CEP83: variants seen among roughly 807,000 people sequenced by gnomAD.
The protein encoded by CEP83 is centrosomal protein of 83 kDa.
Under a neutral mutation model 101.9 loss-of-function variants are expected in CEP83, and 70 were observed. The observed-to-expected ratio is 0.69, with a 90% confidence interval of 0.57 to 0.84. The LOEUF is 0.84. Among genes scored for constraint, CEP83 ranks in the 40% least tolerant of loss-of-function variants. CEP83 has a pLI of 0.00. For synonymous variants in CEP83, 264 were observed against 267.9 expected (o/e 0.99, Z 0.14); for missense variants, 715 against 787.2 (o/e 0.91, Z 1.10).
In CEP83 at chr12:94,335,654, G is replaced by T. The variant is rs190452572; in HGVS notation, c.1354C>A (p.Gln452Lys). The change falls in exon 12 of 17, where the codon CAG becomes AAG. Residue 452 changes from glutamine to lysine, a missense_variant. Coordinates refer to ENST00000397809, the MANE Select transcript of CEP83 (RefSeq NM_016122.3). Reference sequence around the variant, plus strand: ...TTTTCAATAGTCACAATTTGTTGCTGAAGTTTTAACCTAAAAATCACAACC... The same window carrying T: ...TTTTCAATAGTCACAATTTGTTGCTTAAGTTTTAACCTAAAAATCACAACC... ...KELQSVRLKL[Q>K]QQIVTIENAE... 4 of 1,580,876 alleles carry T rather than the reference G, an allele frequency of 2.5e-6. No homozygotes were observed. Among genetic ancestry groups the T allele is most frequent in the African/African-American group, 1.4e-5 (1 of 73,286 alleles).
At chr12:94,405,134 C>T (rs17303308) in intron 4 of CEP83, among the ~76,000 whole-genome samples, 2,204 of 152,124 alleles carry the variant, frequency 0.014, 24 homozygotes, top group Non-Finnish European at 0.022. Context: ...AGAGTCCAAA[C>T]TAAGATGAGG....
chr12:94,369,868 G>T, intron 9 of CEP83, 54 bp downstream of exon 9: 1 of 901,272 alleles, frequency 1.1e-6, no homozygotes, highest in Non-Finnish European at 1.8e-6. Context: ...AATAATTTGA[G>T]TTCATATCTG....
chr12:94,298,531 A>G, the CEP83 span: 30 of 981,218 alleles, frequency 3.1e-5, no homozygotes, highest in East Asian at 7.4e-4. Flanking sequence ...CCCTGTTTTG[A>G]ACATTATTTT....
intron 6 of CEP83, among the ~76,000 whole-genome samples, chr12:94,386,466 T>C (rs1286747244): frequency 2.0e-5 from 3 of 152,200 alleles, no homozygotes; most frequent in African/African-American, 7.2e-5. Flanking sequence ...TCTAGTTTCC[T>C]TGGCCTCTCA....
chr12:94,316,930 A>G (rs1364856650), intron 14 of CEP83, among the ~76,000 whole-genome samples: 1 of 152,088 alleles, frequency 6.6e-6, no homozygotes, highest in East Asian at 1.9e-4. Context: ...TCCTTTGAGT[A>G]TATTTACCCA....
chr12:94,394,661 A>C (rs1415947187), intron 6 of CEP83, among the ~76,000 whole-genome samples: 1 of 152,230 alleles, frequency 6.6e-6, no homozygotes, highest in East Asian at 1.9e-4. Flanking sequence ...TGCATGGCAA[A>C]AGAAATTACC....
At chr12:94,319,403 C>G (rs1166313483) in intron 14 of CEP83, among the ~76,000 whole-genome samples, 1 of 152,116 alleles carries the variant, frequency 6.6e-6, no homozygotes, top group Non-Finnish European at 1.5e-5. Context: ...TCCTTCTGTT[C>G]AGCTCTAATG....
At chr12:94,449,764 G>C (rs969010702) in intron 1 of CEP83, among the ~76,000 whole-genome samples, 1 of 106,402 alleles carries the variant, frequency 9.4e-6, no homozygotes, top group Non-Finnish European at 1.7e-5. Context: ...CAGAGCAAGA[G>C]TCTGTCTCAA....
chr12:94,385,328 G>A (rs1000378010), intron 6 of CEP83, among the ~76,000 whole-genome samples: 3 of 152,142 alleles, frequency 2.0e-5, no homozygotes, highest in Non-Finnish European at 2.9e-5. Context: ...AGTGGTTAAA[G>A]TCCTGACCCT....
chr12:94,377,052 A>G (rs1166071013), intron 7 of CEP83, among the ~76,000 whole-genome samples: 1 of 152,138 alleles, frequency 6.6e-6, no homozygotes, highest in Admixed American at 6.6e-5. Context: ...CAACATAATT[A>G]AAATGAAGAC....
chr12:94,426,121 CAAAA>C (rs202127826), intron 2 of CEP83, among the ~76,000 whole-genome samples: 1 of 121,126 alleles, frequency 8.3e-6, no homozygotes. Context: ...AACTCCGTCT[CAAAA>C]AAAAAAAAAA....
intron 9 of CEP83, chr12:94,368,508 G>GAA: frequency 4.6e-6 from 1 of 218,420 alleles, no homozygotes; most frequent in Admixed American, 5.6e-5. Flanking sequence ...ATGATAACCA[G>GAA]AGGTTTACTT....
chr12:94,430,201 A>T (rs1331875652), intron 2 of CEP83, among the ~76,000 whole-genome samples: 1 of 152,176 alleles, frequency 6.6e-6, no homozygotes, highest in Admixed American at 6.5e-5. Flanking sequence ...CCACCCAGCT[A>T]CTAACATCAC....
At chr12:94,424,162 G>A in intron 2 of CEP83, 1 of 1,603,372 alleles carries the variant, frequency 6.2e-7, no homozygotes, top group Non-Finnish European at 8.5e-7. Flanking sequence ...TCCTGTTGGG[G>A]GTGATGTTAT....
rs1248864198 is a variant in CEP83, at chr12:94,412,692, T to C, written c.-101-101A>G. 4.5e-4 allele frequency: 155 copies of C among 340,860 alleles called. 2 individuals carry two copies. Among genetic ancestry groups the C allele is most frequent in the African/African-American group, 2.3e-3 (81 of 35,070 alleles). 21.1% of individuals were successfully genotyped at this position (340,860 alleles called of 1,614,324 possible). ...ATCACTTTTATTATTCTTTTTTTTT[T>C]CTTTTTTTTTTTTTTTTGAGAGGAG... On this transcript the variant is annotated intron_variant, in intron 2 of 16. Coordinates refer to ENST00000397809, the MANE Select transcript of CEP83 (RefSeq NM_016122.3).
intron 11 of CEP83, among the ~76,000 whole-genome samples, chr12:94,361,787 C>T (rs769928954): frequency 5.9e-5 from 9 of 152,090 alleles, no homozygotes; most frequent in East Asian, 5.8e-4. Flanking sequence ...CCACAACCTC[C>T]GCCTCCTGAG....
intron 11 of CEP83, among the ~76,000 whole-genome samples, chr12:94,358,030 G>A (rs943767967): frequency 6.6e-6 from 1 of 152,162 alleles, no homozygotes; most frequent in East Asian, 1.9e-4. Context: ...TAAAGGTTTG[G>A]TAGATACAGG....
intron 11 of CEP83, among the ~76,000 whole-genome samples, chr12:94,354,025 GAC>G (rs1353243009): frequency 6.6e-6 from 1 of 152,114 alleles, no homozygotes; most frequent in Non-Finnish European, 1.5e-5. Flanking sequence ...GGGAAAGATA[GAC>G]ACCAATGCAA....
intron 12 of CEP83, among the ~76,000 whole-genome samples, chr12:94,334,587 T>C (rs941100728): frequency 6.6e-6 from 1 of 152,106 alleles, no homozygotes; most frequent in Admixed American, 6.6e-5. Flanking sequence ...GAACCTATTA[T>C]GAGATTCAAG....
Sources: gnomAD v4.1 joint callset for allele counts (sites outside exome capture counted in the v4.1 genomes callset) on GRCh38, gnomAD v4.1.1 for gene constraint, MANE v1.5 for transcripts, NCBI Gene and HGNC (gene_info 2026-07-23, HGNC 2026-07-21) for gene names.